Variants in TM9SF4 observed in about 807,000 individuals in gnomAD.
The protein encoded by TM9SF4 is dinucleotide oxidase disulfide thiol exchanger 3 superfamily member 4.
A neutral mutation model predicts 90.4 loss-of-function variants in TM9SF4; 26 were observed. The ratio of observed to expected loss-of-function variants is 0.29; its 90% confidence interval spans 0.21 to 0.40. The LOEUF is 0.40. TM9SF4 is among the 10% of genes least tolerant of loss of function. TM9SF4 has a pLI of 1.00. For synonymous variants in TM9SF4, 293 were observed against 315.4 expected, an observed-to-expected ratio of 0.93 and a Z score of 0.75; for missense variants, 549 against 834.8, an observed-to-expected ratio of 0.66 and a Z score of 4.22.
At chr20:32,131,750 G>A (rs922038133) in intron 1 of TM9SF4, among the ~76,000 whole-genome samples, 1 of 152,156 alleles carries the variant, frequency 6.6e-6, no homozygotes, top group Non-Finnish European at 1.5e-5. Context: ...AGAGAATCCG[G>A]CAGCTTTTCT....
intron 1 of TM9SF4, among the ~76,000 whole-genome samples, chr20:32,121,140 T>G (rs35779674): frequency 0.11 from 16,680 of 152,058 alleles, 1,153 homozygotes; most frequent in East Asian, 0.18. Flanking sequence ...AAAAATTTAT[T>G]TAGACAAGTG....
At chr20:32,142,315 C>A (rs1020102419) in intron 5 of TM9SF4, among the ~76,000 whole-genome samples, 1 of 152,162 alleles carries the variant, frequency 6.6e-6, no homozygotes, top group Admixed American at 6.5e-5. Flanking sequence ...TTAGCACATT[C>A]GTGTGAGCCC....
intron 1 of TM9SF4, among the ~76,000 whole-genome samples, chr20:32,115,022 GT>G (rs1215128331): frequency 6.6e-6 from 1 of 152,150 alleles, no homozygotes; most frequent in Non-Finnish European, 1.5e-5. Flanking sequence ...GACTTATTTT[GT>G]TTTTTCCATG....
intron 1 of TM9SF4, among the ~76,000 whole-genome samples, chr20:32,132,275 A>G (rs183440650): frequency 5.9e-5 from 9 of 152,190 alleles, no homozygotes; most frequent in Non-Finnish European, 1.2e-4. Flanking sequence ...GAGGTGGTGG[A>G]TGCCTGTAGT....
intron 6 of TM9SF4, 21 bp downstream of exon 6, chr20:32,143,126 G>C: frequency 6.2e-7 from 1 of 1,610,610 alleles, no homozygotes; most frequent in Non-Finnish European, 8.5e-7. Context: ...AGGTGTGGCC[G>C]GAGGGGCAGG....
chr20:32,150,089 G>A (rs977398517), intron 10 of TM9SF4, among the ~76,000 whole-genome samples: 2 of 152,156 alleles, frequency 1.3e-5, no homozygotes, highest in African/African-American at 2.4e-5. Context: ...ACCAGGATTA[G>A]GATTGAAATC....
chr20:32,156,005 T>C (rs971384105), intron 13 of TM9SF4, among the ~76,000 whole-genome samples: 1 of 152,184 alleles, frequency 6.6e-6, no homozygotes, highest in Non-Finnish European at 1.5e-5. Flanking sequence ...TTATAAACAT[T>C]CACTGTAGAA....
chr20:32,118,665 TCA>T (rs2046262870), intron 1 of TM9SF4, among the ~76,000 whole-genome samples: 6 of 151,930 alleles, frequency 3.9e-5, no homozygotes, highest in Non-Finnish European at 5.9e-5. Context: ...AGACAAGGTC[TCA>T]CTCTGTTGCC....
chr20:32,146,710 A>G, intron 8 of TM9SF4, 75 bp from the exon 9 acceptor site: 4 of 1,455,590 alleles, frequency 2.7e-6, no homozygotes, highest in Admixed American at 3.5e-5. Context: ...GTAAAACATC[A>G]TGTCTAGGAG....
At chr20:32,109,829 C>G in intron 1 of TM9SF4, 74 bp downstream of exon 1, 2 of 1,549,330 alleles carry the variant, frequency 1.3e-6, no homozygotes, top group Non-Finnish European at 1.7e-6. Context: ...TCCAGCACCC[C>G]ATGCCTGGCC....
chr20:32,148,912 C>T (rs925801064), intron 9 of TM9SF4, among the ~76,000 whole-genome samples: 6 of 152,070 alleles, frequency 3.9e-5, no homozygotes, highest in East Asian at 1.9e-4. Flanking sequence ...CCTCATGATC[C>T]GCCCGCCTCG....
In TM9SF4 at chr20:32,166,682, G is replaced by T. The variant is rs939154978; in HGVS notation, c.*1238G>T. On this transcript the variant is annotated 3_prime_UTR_variant, in exon 18 of 18. Coordinates refer to ENST00000398022, the MANE Select transcript of TM9SF4 (RefSeq NM_014742.4). ...AACTTAGAAAGAAGGGTCTCACGTG[G>T]CTGGCCTGGCTCCTCCGTAGACCCC... The T allele has an allele frequency of 2.6e-4, 39 of 152,234 alleles. No homozygotes were observed. Among genetic ancestry groups the T allele is most frequent in the African/African-American group, 7.7e-4 (32 of 41,454 alleles). 9.4% of individuals were successfully genotyped at this position (152,234 alleles called of 1,614,324 possible).
intron 13 of TM9SF4, among the ~76,000 whole-genome samples, chr20:32,155,836 A>G (rs930849950): frequency 6.6e-6 from 1 of 152,188 alleles, no homozygotes; most frequent in Non-Finnish European, 1.5e-5. Context: ...AGGTCCTTGC[A>G]TGAGGCTTCA....
chr20:32,160,245 A>G (rs994861979), intron 16 of TM9SF4, 134 bp downstream of exon 16: 3 of 1,327,744 alleles, frequency 2.3e-6, no homozygotes, highest in African/African-American at 2.9e-5. Flanking sequence ...CTCTTGGGCC[A>G]GTACGTTGCT....
intron 1 of TM9SF4, 43 bp from the exon 2 acceptor site, chr20:32,132,970 C>T (rs1324694475): frequency 1.3e-6 from 2 of 1,570,406 alleles, no homozygotes; most frequent in Non-Finnish European, 1.7e-6. Flanking sequence ...GGATCTTCTT[C>T]ACTTCTTCTC....
intron 17 of TM9SF4, among the ~76,000 whole-genome samples, chr20:32,163,245 C>CAAA (rs67827616): frequency 2.7e-4 from 11 of 41,018 alleles, no homozygotes; most frequent in African/African-American, 7.0e-4. Flanking sequence ...GACTCCATCT[C>CAAA]AAAAAAAAAA....
At chr20:32,127,373 G>T (rs77915571) in intron 1 of TM9SF4, among the ~76,000 whole-genome samples, 9,224 of 152,104 alleles carry the variant, frequency 0.061, 968 homozygotes, top group African/African-American at 0.21. Context: ...GGCTGGATGG[G>T]CAAGTTACTT....
intron 1 of TM9SF4, among the ~76,000 whole-genome samples, chr20:32,115,853 G>A (rs912099541): frequency 4.4e-5 from 5 of 114,894 alleles, no homozygotes; most frequent in South Asian, 5.5e-4. Context: ...TCACTCTGTC[G>A]CCCAGGGTGG....
intron 2 of TM9SF4, among the ~76,000 whole-genome samples, chr20:32,133,334 C>T (rs1414797150): frequency 6.6e-6 from 1 of 152,120 alleles, no homozygotes; most frequent in Non-Finnish European, 1.5e-5. Flanking sequence ...CCTGTGTATG[C>T]TTGTGTATAT....
Sources: gnomAD v4.1 joint callset for allele counts (sites outside exome capture counted in the v4.1 genomes callset) on GRCh38, gnomAD v4.1.1 for gene constraint, MANE v1.5 for transcripts, NCBI Gene and HGNC (gene_info 2026-07-23, HGNC 2026-07-21) for gene names.